The following ERICH6 variants were observed in gnomAD, a reference collection of about 807,000 sequenced individuals.
The protein encoded by ERICH6 is glutamate rich 6.
Under a neutral mutation model 71.0 loss-of-function variants are expected in ERICH6, and 71 were observed. The ratio of observed to expected loss-of-function variants is 1.00; its 90% confidence interval spans 0.83 to 1.22. The LOEUF (loss-of-function observed/expected upper bound fraction) is 1.22. Ranked by LOEUF, ERICH6 falls within the 50% of genes most tolerant of loss-of-function variation. ERICH6 has a pLI of 0.00. For missense variants in ERICH6, 808 were observed against 797.2 expected (o/e 1.01, Z -0.16); for synonymous variants, 262 against 278.4 (o/e 0.94, Z 0.59).
chr3:150,682,030 G>T (rs1221946631), intron 7 of ERICH6, among the ~76,000 whole-genome samples, 188 bp downstream of exon 7: 2 of 152,104 alleles, frequency 1.3e-5, no homozygotes, highest in East Asian at 3.9e-4. Flanking sequence ...GCCCAGGCTG[G>T]TCTCGAACTC....
intron 1 of ERICH6, among the ~76,000 whole-genome samples, chr3:150,703,063 C>T (rs1187710373): frequency 6.6e-6 from 1 of 151,708 alleles, no homozygotes; most frequent in African/African-American, 2.4e-5. Flanking sequence ...TGAGCACTCC[C>T]AGCAGCCTGG....
chr3:150,682,261 G>T lies in ERICH6; in HGVS notation c.839C>A (p.Ala280Glu), dbSNP rs529540902. ...GGAAACATCCACATTAGAAAAAAAT[G>T]CTCTTAGATCGCTGCCACAAAATTC... is the stretch of plus-strand genomic sequence containing the variant. ...KCEFCGSDLR[A>E]FFSNVDVSSE... Residue 280 changes from alanine to glutamate, a missense_variant, in exon 7 of 14, where the codon GCA becomes GAA. By Grantham distance (107) the Ala-to-Glu change is moderately radical. Around this residue, in one of 3 missense-constraint regions of ERICH6, gnomAD observed 736 missense variants for 712.2 expected, o/e 1.03. Coordinates refer to ENST00000295910, the MANE Select transcript of ERICH6 (RefSeq NM_152394.5). The T allele has an allele frequency of 1.7e-5, 27 of 1,613,740 alleles. No individual in the cohort carries two copies. The highest frequency in any genetic ancestry group is 2.0e-5 in the Non-Finnish European group (24 of 1,180,004).
Position 150,703,753 on chromosome 3 carries a change from T to TCCACCTCTTCCTCCTCCTCCTCCA in ERICH6, c.122_145dup (p.Val41_Val48dup). 1 of 1,566,398 alleles carries TCCACCTCTTCCTCCTCCTCCTCCA rather than the reference T, an allele frequency of 6.4e-7. No homozygotes were observed. The highest frequency in any genetic ancestry group is 8.6e-7 in the Non-Finnish European group (1 of 1,163,082). On this transcript the variant is annotated inframe_insertion, in exon 1 of 14. Coordinates refer to ENST00000295910, the MANE Select transcript of ERICH6 (RefSeq NM_152394.5). ...CTCCACCACCTCCTCCTCCTCCTCC[T>TCCACCTCTTCCTCCTCCTCCTCCA]CCACCTCTTCCTCCTCCTCCTCCAC... is the stretch of plus-strand genomic sequence containing the variant.
intron 6 of ERICH6, among the ~76,000 whole-genome samples, chr3:150,685,004 CAAA>C (rs1189736704): frequency 6.0e-5 from 9 of 148,772 alleles, no homozygotes; most frequent in Non-Finnish European, 1.2e-4. Context: ...GACCTTGTCT[CAAA>C]AAAAAAAAAT....
Position 150,703,595 on chromosome 3 carries a change from C to G in ERICH6, c.304G>C (p.Val102Leu). ...AACGTAGAGGTCAGGCTAGGGCTGA[C>G]GATGCTGGCTAAGCGGGGGCGCACG... ...PDVRPRLASI[V>L]SPSLTSTFVP... The change falls in exon 1 of 14, where the codon GTC becomes CTC. Residue 102 changes from valine to leucine, a missense_variant. Around this residue, in one of 3 missense-constraint regions of ERICH6, gnomAD observed 736 missense variants for 712.2 expected, o/e 1.03. Coordinates refer to ENST00000295910, the MANE Select transcript of ERICH6 (RefSeq NM_152394.5). 6.2e-7 allele frequency: 1 copy of G among 1,613,964 alleles called. No homozygotes were observed. Among genetic ancestry groups the G allele is most frequent in the Non-Finnish European group, 8.5e-7 (1 of 1,179,990 alleles).
intron 8 of ERICH6, 99 bp downstream of exon 8, chr3:150,680,674 C>T: frequency 6.4e-7 from 1 of 1,556,068 alleles, no homozygotes; most frequent in Middle Eastern, 1.7e-4. Flanking sequence ...GGAAATACAT[C>T]TTCAAAGTTA....
chr3:150,680,083 G>T (rs557867678), intron 9 of ERICH6, among the ~76,000 whole-genome samples: 2 of 152,334 alleles, frequency 1.3e-5, no homozygotes, highest in Non-Finnish European at 2.9e-5. Context: ...TGCTCTGTAG[G>T]TGTTGCTAAT....
At chr3:150,702,948 GA>G (rs1230650289) in intron 1 of ERICH6, among the ~76,000 whole-genome samples, 1 of 139,230 alleles carries the variant, frequency 7.2e-6, no homozygotes, top group Non-Finnish European at 1.5e-5. Context: ...GAGAGAAAGA[GA>G]GGGGGAGGGG....
chr3:150,692,933 G>A (rs1014977954), intron 3 of ERICH6, among the ~76,000 whole-genome samples: 5 of 152,090 alleles, frequency 3.3e-5, no homozygotes, highest in African/African-American at 4.8e-5. Context: ...AGGACTCATG[G>A]AGAGCTGAAA....
At chr3:150,679,602 A>G (rs62284047) in intron 9 of ERICH6, among the ~76,000 whole-genome samples, 32,514 of 152,122 alleles carry the variant, frequency 0.21, 3,936 homozygotes, top group East Asian at 0.58. Context: ...CAACTGTACC[A>G]GTACTACAGT....
chr3:150,699,841 G>T (rs1298523135), intron 2 of ERICH6, among the ~76,000 whole-genome samples: 1 of 151,874 alleles, frequency 6.6e-6, no homozygotes, highest in Non-Finnish European at 1.5e-5. Context: ...TCTGTACAAG[G>T]GCTGTATAGT....
In ERICH6 at chr3:150,698,827, T is replaced by C; in HGVS notation, c.517A>G (p.Ser173Gly). The C allele has an allele frequency of 6.2e-7, 1 of 1,614,028 alleles. No homozygotes were observed. The highest frequency in any genetic ancestry group is 8.5e-7 in the Non-Finnish European group (1 of 1,179,964). Residue 173 changes from serine (S) to glycine (G), a missense_variant, in exon 3 of 14, where the codon AGT (serine) becomes GGT (glycine). By Grantham distance (56) the Ser-to-Gly change is moderately conservative (BLOSUM62 0). This residue lies in a region of ERICH6 where 736 missense variants were observed against 712.2 expected (regional missense o/e 1.03). Transcript: ENST00000295910. ...TTATCAGACAAATCTTGGAGCCAAC[T>C]TTCTTCTGTTTGTACTGATACTGGA... ...GIPVSVQTEE[S>G]WLQDLSDKVQ... is the part of the protein sequence containing the mutation.
At position 150,685,773 on chromosome 3, in the gene ERICH6, T is replaced by C. The variant is rs771270007; in HGVS notation, c.752A>G (p.Glu251Gly). The C allele has an allele frequency of 1.1e-5, 17 of 1,614,000 alleles. No individual in the cohort carries two copies. Among genetic ancestry groups the C allele is most frequent in the Non-Finnish European group, 1.4e-5 (16 of 1,180,004 alleles). The stretch of plus-strand genomic sequence containing the variant: ...GTTAATGCCTAAATTGGAGCTCTCT[T>C]CTTTGTATGCCAGAATGGATGGTGG... ...IGPPSILAYK[E>G]ESSNLGINFK... Residue 251 changes from glutamate (E) to glycine (G), a missense_variant, in exon 6 of 14, where the codon GAA (glutamate) becomes GGA (glycine). Transcript: ENST00000295910.
intron 2 of ERICH6, among the ~76,000 whole-genome samples, chr3:150,700,911 A>T (rs577739460): frequency 1.3e-5 from 2 of 152,342 alleles, no homozygotes; most frequent in South Asian, 4.1e-4. Flanking sequence ...GACAAGTTTT[A>T]TAGACATAGG....
At chr3:150,681,640 G>A (rs994080616) in intron 7 of ERICH6, among the ~76,000 whole-genome samples, 2 of 152,162 alleles carry the variant, frequency 1.3e-5, no homozygotes, top group South Asian at 4.1e-4. Flanking sequence ...CCAAAGTGAT[G>A]CACCATTTTA....
chr3:150,661,365 T>C (rs1051722721), intron 13 of ERICH6, among the ~76,000 whole-genome samples: 1 of 152,210 alleles, frequency 6.6e-6, no homozygotes, highest in African/African-American at 2.4e-5. Context: ...CAGCGGGCAC[T>C]AGCGCTAGCC....
intron 1 of ERICH6, 92 bp from the exon 2 acceptor site, chr3:150,702,270 C>CTTTT (rs63679260): frequency 2.4e-3 from 389 of 163,802 alleles, no homozygotes; most frequent in Middle Eastern, 3.2e-3. Context: ...TGTCTGGAGA[C>CTTTT]TTTTTTTTTT....
intron 11 of ERICH6, among the ~76,000 whole-genome samples, chr3:150,673,469 G>A (rs115351401): frequency 0.011 from 1,739 of 152,186 alleles, 30 homozygotes; most frequent in African/African-American, 0.04. Context: ...GATTATAAGC[G>A]TAAGCCACCA....
Position 150,698,843 on chromosome 3 carries a change from T to C in ERICH6, c.501A>G (p.Ser167=), listed in dbSNP as rs775398145. ...GGAGCCAACTTTCTTCTGTTTGTAC[T>C]GATACTGGAATTCCTGGAGACAAAT... is the stretch of plus-strand genomic sequence containing the variant. ...HRNLSPGIPV[S]VQTEESWLQD... Residue 167 remains serine, a synonymous_variant, in exon 3 of 14, where the codon TCA becomes TCG. Transcript: ENST00000295910. 5 of 1,614,102 alleles carry C rather than the reference T, an allele frequency of 3.1e-6. No homozygotes were observed. The highest frequency in any genetic ancestry group is 1.7e-6 in the Non-Finnish European group (2 of 1,179,982).
Sources: allele counts gnomAD v4.1 joint callset (sites outside exome capture counted in the v4.1 genomes callset), GRCh38; gene constraint gnomAD v4.1.1; regional missense constraint gnomAD v4.1.1; transcripts MANE v1.5; gene names NCBI Gene and HGNC (gene_info 2026-07-23, HGNC 2026-07-21).